The following FANCL variants were observed in gnomAD, a reference collection of about 807,000 sequenced individuals.
FANCL encodes E3 ubiquitin-protein ligase FANCL.
In FANCL, 69 loss-of-function variants were observed where a neutral mutation model predicts 59.4. The observed-to-expected ratio is 1.16, with a 90% CI of 0.96 to 1.42. The LOEUF is 1.42. Ranked by LOEUF, FANCL falls within the 40% of genes most tolerant of loss-of-function variation. The probability of loss-of-function intolerance (pLI) is 0.00; values close to 1 mark genes in which losing one functional copy is unlikely to be tolerated. For missense variants in FANCL, 519 were observed against 447.2 expected, an observed-to-expected ratio of 1.16 and a Z score of -1.45; for synonymous variants, 180 against 147.1, an observed-to-expected ratio of 1.22 and a Z score of -1.62.
intron 7 of FANCL, chr2:58,194,370 A>G: frequency 2.2e-6 from 1 of 460,342 alleles, no homozygotes; most frequent in Non-Finnish European, 4.5e-6. Flanking sequence ...GAGTATTTAC[A>G]CATCTGACCT....
intron 6 of FANCL, among the ~76,000 whole-genome samples, chr2:58,201,606 T>C (rs17049404): frequency 0.03 from 4,539 of 152,084 alleles, 235 homozygotes; most frequent in African/African-American, 0.1. Context: ...CTGATCTTGA[T>C]TGACCAAAGC....
At chr2:58,227,345 G>A (rs1434079546) in intron 3 of FANCL, among the ~76,000 whole-genome samples, 5 of 152,194 alleles carry the variant, frequency 3.3e-5, no homozygotes, top group Admixed American at 6.5e-5. Flanking sequence ...TCTGTATCCC[G>A]TGGTTCCTGC....
rs751857451 is a variant in FANCL, at chr2:58,163,424, G to C, written c.775+10C>G. ...TCTATTAAAAAACGTTTAAATCTCAGATGTCATACCATGGTCAGCTCCAAG... is the reference window on the plus strand; with the variant it reads ...TCTATTAAAAAACGTTTAAATCTCACATGTCATACCATGGTCAGCTCCAAG... On this transcript the variant is annotated intron_variant, in intron 9 of 13. Transcript: ENST00000233741. The C allele has an allele frequency of 2.5e-6, 4 of 1,586,576 alleles. No individual in the cohort carries two copies. The highest frequency in any genetic ancestry group is 3.5e-6 in the Non-Finnish European group (4 of 1,155,294).
intron 6 of FANCL, among the ~76,000 whole-genome samples, chr2:58,203,136 A>G (rs1395337479): frequency 1.3e-5 from 2 of 151,798 alleles, no homozygotes; most frequent in Non-Finnish European, 3.0e-5. Flanking sequence ...CCATCCCACT[A>G]ATTTTTTCCA....
At chr2:58,187,715 T>C (rs1272424266) in intron 7 of FANCL, among the ~76,000 whole-genome samples, 1 of 152,128 alleles carries the variant, frequency 6.6e-6, no homozygotes, top group Non-Finnish European at 1.5e-5. Flanking sequence ...ATGAAATAAA[T>C]TTATATAAAG....
chr2:58,168,991 C>G lies in FANCL; in HGVS notation c.541-3117G>C, dbSNP rs1333618985. Reference sequence around the variant, plus strand: ...AAACTCCCATCTCCCTGGGACAGAGCACGTGGGGAAAGGGGCGGCTGTGGG... The same window carrying G: ...AAACTCCCATCTCCCTGGGACAGAGGACGTGGGGAAAGGGGCGGCTGTGGG... On this transcript the variant is annotated intron_variant, in intron 7 of 13. Transcript: ENST00000233741. 2.6e-5 allele frequency among the ~76,000 whole-genome samples: 4 copies of G among 152,168 alleles called. No individual in the cohort carries two copies. The East Asian group carries it at 7.7e-4, about 29-fold the overall frequency.
intron 1 of FANCL, 89 bp downstream of exon 1, chr2:58,241,129 C>CTAG: frequency 7.2e-7 from 1 of 1,385,926 alleles, no homozygotes; most frequent in Non-Finnish European, 1.0e-6. Context: ...CAAGTCTGGG[C>CTAG]CCCTAACCTC....
intron 7 of FANCL, among the ~76,000 whole-genome samples, chr2:58,176,661 T>G (rs1687351182): frequency 6.6e-6 from 1 of 152,078 alleles, no homozygotes; most frequent in Admixed American, 6.5e-5. Context: ...ACGTTAGACC[T>G]AAAACCATAA....
chr2:58,164,561 G>T (rs143710592), intron 8 of FANCL, among the ~76,000 whole-genome samples: 2,811 of 151,874 alleles, frequency 0.019, 29 homozygotes, highest in Non-Finnish European at 0.026. Flanking sequence ...TCAAAACTTG[G>T]TCTTAAGAAA....
chr2:58,220,999 T>C lies in FANCL; in HGVS notation c.374+943A>G, dbSNP rs1436955361. ...AGGCTGAGGCGGGCGGATCACGAGG[T>C]CAGGAGATCGAGACCGATCCTGGCT... On this transcript the variant is annotated intron_variant, in intron 5 of 13. Coordinates refer to ENST00000233741, the MANE Select transcript of FANCL (RefSeq NM_018062.4). Among the ~76,000 whole-genome samples the C allele has an allele frequency of 2.0e-5, 3 of 150,836 alleles. No homozygotes were observed. In the East Asian group the frequency reaches 5.9e-4, roughly 29 times the overall value.
chr2:58,169,492 T>C (rs1186761458), intron 7 of FANCL, among the ~76,000 whole-genome samples: 1 of 151,852 alleles, frequency 6.6e-6, no homozygotes, highest in Non-Finnish European at 1.5e-5. Flanking sequence ...CCAGAACACC[T>C]TTTCTCCAAC....
chr2:58,181,316 T>C (rs1417616111), intron 7 of FANCL, among the ~76,000 whole-genome samples: 2 of 152,044 alleles, frequency 1.3e-5, no homozygotes, highest in Non-Finnish European at 2.9e-5. Flanking sequence ...ACATACTGTA[T>C]GCCTCTGTTT....
In FANCL at chr2:58,240,275, C is replaced by T. The variant is rs187739792; in HGVS notation, c.96+943G>A. Among the ~76,000 whole-genome samples the T allele has an allele frequency of 7.9e-5, 12 of 152,292 alleles. No homozygotes were observed. In the East Asian group the frequency reaches 2.3e-3, roughly 29 times the overall value. ...TGGAATAATGAATTTTTAACCTCTACTTTCTGTGATGGTCATATGGTAATT... is the reference window on the plus strand; with the variant it reads ...TGGAATAATGAATTTTTAACCTCTATTTTCTGTGATGGTCATATGGTAATT... On this transcript the variant is annotated intron_variant, in intron 1 of 13. Coordinates refer to ENST00000233741, the MANE Select transcript of FANCL (RefSeq NM_018062.4).
intron 7 of FANCL, among the ~76,000 whole-genome samples, chr2:58,191,405 A>G (rs1400758089): frequency 1.3e-5 from 2 of 151,858 alleles, no homozygotes; most frequent in Non-Finnish European, 2.9e-5. Context: ...CCATAACATT[A>G]AGCATTAAGT....
intron 5 of FANCL, among the ~76,000 whole-genome samples, chr2:58,209,362 C>G (rs1690903219): frequency 6.6e-6 from 1 of 151,982 alleles, no homozygotes; most frequent in African/African-American, 2.4e-5. Context: ...AAGCATATTA[C>G]CAACCTAGAA....
At chr2:58,181,211 C>G (rs1181809523) in intron 7 of FANCL, among the ~76,000 whole-genome samples, 3 of 151,942 alleles carry the variant, frequency 2.0e-5, no homozygotes, top group Non-Finnish European at 4.4e-5. Flanking sequence ...TGGACTATTA[C>G]TCAGGAATAA....
chr2:58,202,230 C>A (rs569525476), intron 6 of FANCL, among the ~76,000 whole-genome samples: 1 of 112,372 alleles, frequency 8.9e-6, no homozygotes, highest in Non-Finnish European at 1.7e-5. Flanking sequence ...TATACCTATA[C>A]CTTTTTCCTA....
intron 6 of FANCL, among the ~76,000 whole-genome samples, chr2:58,201,683 T>C (rs941921439): frequency 1.8e-4 from 27 of 152,002 alleles, no homozygotes; most frequent in Admixed American, 1.2e-3. Context: ...ACTGTAAGCA[T>C]TGCATAAAAA....
Position 58,159,869 on chromosome 2 carries a change from AAATAGTGTCATAG to A in FANCL, c.1093-82_1093-70del, listed in dbSNP as rs959196003. 46 of 1,598,550 alleles carry A rather than the reference AAATAGTGTCATAG, an allele frequency of 2.9e-5. No individual in the cohort carries two copies. The African/African-American group carries it at 4.7e-4, about 16-fold the overall frequency. ...AAAAAATAAAATTGCTTTGTACTAG[AAATAGTGTCATAG>A]AATAGTGTCATAGTACAGTTTGGAA... On this transcript the variant is annotated intron_variant, in intron 13 of 13. Coordinates refer to ENST00000233741, the MANE Select transcript of FANCL (RefSeq NM_018062.4).
Sources: gnomAD v4.1 joint callset for allele counts (sites outside exome capture counted in the v4.1 genomes callset) on GRCh38, gnomAD v4.1.1 for gene constraint, MANE v1.5 for transcripts, NCBI Gene and HGNC (gene_info 2026-07-23, HGNC 2026-07-21) for gene names.